The following FRMD4A variants were observed in gnomAD, a reference collection of about 807,000 sequenced individuals.
FRMD4A encodes FERM domain-containing protein 4A.
FRMD4A carries 29 observed loss-of-function variants against 129.1 expected under a neutral mutation model. That is an observed-to-expected ratio of 0.22 (90% CI 0.17 to 0.31). The LOEUF (loss-of-function observed/expected upper bound fraction) is 0.31, where lower values mean the gene tolerates loss of function less well. Among genes scored for constraint, FRMD4A ranks in the 10% least tolerant of loss-of-function variants. FRMD4A has a pLI of 1.00. For missense variants in FRMD4A, 1,272 were observed against 1,375.8 expected (o/e 0.92, Z 1.19); for synonymous variants, 634 against 571.6 (o/e 1.11, Z -1.56).
chr10:13,826,963 CT>C (rs1416543390), intron 3 of FRMD4A, among the ~76,000 whole-genome samples: 1 of 152,182 alleles, frequency 6.6e-6, no homozygotes, highest in Non-Finnish European at 1.5e-5. Context: ...CTGTAACACC[CT>C]CCATCCTGGA....
chr10:14,169,623 G>T (rs1279821815), intron 2 of FRMD4A, among the ~76,000 whole-genome samples: 2 of 152,156 alleles, frequency 1.3e-5, no homozygotes, highest in Non-Finnish European at 2.9e-5. Context: ...GTATTTGGGG[G>T]TCACTTTGTG....
rs544740525 is a variant in FRMD4A, at chr10:13,694,940, C to T, written c.976-901G>A. Among the ~76,000 whole-genome samples, 4 of 152,144 alleles carry T rather than the reference C, an allele frequency of 2.6e-5. No individual in the cohort carries two copies. In the South Asian group the frequency reaches 8.3e-4, roughly 32 times the overall value. ...AAACTGCTCATTTGGATTCTGGGGTCCCACCAACGAACGTCTGACACGGTG... is the reference window on the plus strand; with the variant it reads ...AAACTGCTCATTTGGATTCTGGGGTTCCACCAACGAACGTCTGACACGGTG... On this transcript the variant is annotated intron_variant, in intron 14 of 24. Coordinates refer to ENST00000357447, the MANE Select transcript of FRMD4A (RefSeq NM_018027.5).
At chr10:13,998,386 T>G (rs890052763) in intron 2 of FRMD4A, among the ~76,000 whole-genome samples, 1 of 152,248 alleles carries the variant, frequency 6.6e-6, no homozygotes, top group Non-Finnish European at 1.5e-5. Flanking sequence ...TAATTGGCTC[T>G]GGAGAGCCTC....
intron 2 of FRMD4A, among the ~76,000 whole-genome samples, chr10:13,998,258 G>A (rs1377916510): frequency 1.3e-5 from 2 of 152,146 alleles, no homozygotes; most frequent in Non-Finnish European, 2.9e-5. Flanking sequence ...AACTCTCTAG[G>A]GGAATAAAAG....
intron 2 of FRMD4A, among the ~76,000 whole-genome samples, chr10:14,132,300 C>A (rs1380240389): frequency 6.6e-6 from 1 of 152,014 alleles, no homozygotes; most frequent in African/African-American, 2.4e-5. Flanking sequence ...AAAACAAAAA[C>A]AAACCGAAAA....
intron 5 of FRMD4A, among the ~76,000 whole-genome samples, chr10:13,795,712 C>A (rs1331893761): frequency 6.6e-6 from 1 of 152,100 alleles, no homozygotes; most frequent in Non-Finnish European, 1.5e-5. Context: ...GAACCTGGTG[C>A]CTCCATAGAC....
At chr10:13,987,801 C>T (rs978690126) in intron 2 of FRMD4A, among the ~76,000 whole-genome samples, 7 of 152,210 alleles carry the variant, frequency 4.6e-5, no homozygotes, top group African/African-American at 1.7e-4. Context: ...TTAAAGAGGA[C>T]ATCGTACAAT....
rs577416384 is a variant in FRMD4A at position 14,182,704 on chromosome 10, T to G, written c.45+147354A>C. ...TGGACACATATGCTGAGAACCTCCTTTAAGGCAGGTTCGACCGGGGGCTCT... is the reference window on the plus strand; with the variant it reads ...TGGACACATATGCTGAGAACCTCCTGTAAGGCAGGTTCGACCGGGGGCTCT... On this transcript the variant is annotated intron_variant, in intron 2 of 24. Transcript: ENST00000357447. Among the ~76,000 whole-genome samples the G allele has an allele frequency of 4.3e-4, 66 of 152,284 alleles. 1 individual carries two copies. The Middle Eastern group carries it at 0.01, about 24-fold the overall frequency.
intron 6 of FRMD4A, among the ~76,000 whole-genome samples, chr10:13,769,255 T>G (rs2092384765): frequency 6.6e-6 from 1 of 151,358 alleles, no homozygotes; most frequent in Non-Finnish European, 1.5e-5. Context: ...GTGTGTGTAC[T>G]GGTCACCGTG....
At chr10:14,237,343 T>TGTA (rs1843861900) in intron 2 of FRMD4A, among the ~76,000 whole-genome samples, 1 of 151,928 alleles carries the variant, frequency 6.6e-6, no homozygotes, top group Admixed American at 6.6e-5. Context: ...TTTTTGTTGT[T>TGTA]GTTTTGAGAT....
At chr10:14,014,768 T>C (rs1220609500) in intron 2 of FRMD4A, among the ~76,000 whole-genome samples, 3 of 152,208 alleles carry the variant, frequency 2.0e-5, no homozygotes, top group African/African-American at 7.2e-5. Flanking sequence ...CTCTTGGTTT[T>C]ACCTACGGTT....
chr10:13,903,782 C>A (rs555725734), intron 2 of FRMD4A, among the ~76,000 whole-genome samples: 2 of 151,834 alleles, frequency 1.3e-5, no homozygotes, highest in Non-Finnish European at 2.9e-5. Flanking sequence ...ACCCTAGAGG[C>A]AGAAGTGGGA....
chr10:13,941,201 G>A (rs1056217306), intron 2 of FRMD4A, among the ~76,000 whole-genome samples: 25 of 152,192 alleles, frequency 1.6e-4, no homozygotes, highest in African/African-American at 5.3e-4. Context: ...TCATGGAGGC[G>A]GTTTCCTCCA....
chr10:13,656,588 C>T (rs890373618), intron 22 of FRMD4A, 48 bp downstream of exon 22: 13 of 1,344,152 alleles, frequency 9.7e-6, no homozygotes, highest in Admixed American at 3.1e-5. Context: ...CACCGGCAAG[C>T]AGTTCGCCCT....
chr10:13,752,813 A>G (rs1314098626), intron 8 of FRMD4A, among the ~76,000 whole-genome samples: 1 of 152,206 alleles, frequency 6.6e-6, no homozygotes, highest in African/African-American at 2.4e-5. Flanking sequence ...GAGTCTAAGA[A>G]ACATTTCTTA....
At position 13,659,183 on chromosome 10, in the gene FRMD4A, G is replaced by C. The variant is rs1203259407; in HGVS notation, c.2066+140C>G. ...AACGGGGGTTGACTGCTGCCAGCTT[G>C]GTTTTTTATTCCGCTTCATTTATCC... On this transcript the variant is annotated intron_variant, in intron 21 of 24. Coordinates refer to ENST00000357447, the MANE Select transcript of FRMD4A (RefSeq NM_018027.5). 1.0e-5 allele frequency: 8 copies of C among 779,740 alleles called. No individual in the cohort carries two copies. In the East Asian group the frequency reaches 1.9e-4, roughly 18 times the overall value. The allele number at this position is 779,740 out of a possible 1,614,324, so 48.3% of individuals were successfully genotyped here.
chr10:14,043,907 A>ACT (rs1418522679), intron 2 of FRMD4A, among the ~76,000 whole-genome samples: 4 of 152,080 alleles, frequency 2.6e-5, no homozygotes, highest in Admixed American at 1.3e-4. Context: ...GCTCACTATA[A>ACT]CTTCGAACTG....
intron 2 of FRMD4A, among the ~76,000 whole-genome samples, chr10:14,093,468 C>G (rs532293638): frequency 6.6e-6 from 1 of 152,106 alleles, no homozygotes; most frequent in Admixed American, 6.6e-5. Flanking sequence ...AGAAATTAAT[C>G]AAAGAATAAT....
intron 2 of FRMD4A, among the ~76,000 whole-genome samples, chr10:14,277,109 C>T (rs1362124492): frequency 6.6e-6 from 1 of 152,168 alleles, no homozygotes; most frequent in Non-Finnish European, 1.5e-5. Context: ...GAGCAATCCT[C>T]CTCCATCCTC....
Sources: gnomAD v4.1 joint callset for allele counts (sites outside exome capture counted in the v4.1 genomes callset) on GRCh38, gnomAD v4.1.1 for gene constraint, MANE v1.5 for transcripts, NCBI Gene and HGNC (gene_info 2026-07-23, HGNC 2026-07-21) for gene names.